The following PGGT1B variants were observed in gnomAD, a reference collection of about 807,000 sequenced individuals.
The protein encoded by PGGT1B is geranylgeranyl transferase type-1 subunit beta.
PGGT1B carries 30 observed loss-of-function variants against 46.1 expected under a neutral mutation model. The ratio of observed to expected loss-of-function variants is 0.65; its 90% confidence interval spans 0.49 to 0.88. The LOEUF is 0.88. Ranked by LOEUF, PGGT1B falls within the 40% of genes least tolerant of loss-of-function variation. The probability of loss-of-function intolerance (pLI) is 0.00; values close to 1 mark genes in which losing one functional copy is unlikely to be tolerated. For synonymous variants in PGGT1B, 170 were observed against 160.0 expected, an observed-to-expected ratio of 1.06 and a Z score of -0.47; for missense variants, 376 against 455.9, an observed-to-expected ratio of 0.82 and a Z score of 1.60.
chr5:115,226,702 G>A (rs1395068011), intron 6 of PGGT1B, among the ~76,000 whole-genome samples: 2 of 151,968 alleles, frequency 1.3e-5, no homozygotes, highest in Admixed American at 6.6e-5. Flanking sequence ...ATAGTACATT[G>A]TACAAGGGCA....
rs3840341 is a variant in PGGT1B, at chr5:115,229,637, AC to A, written c.658+1338del. Among the ~76,000 whole-genome samples, 41 of 152,288 alleles carry A rather than the reference AC, an allele frequency of 2.7e-4. 1 individual carries two copies. In the East Asian group the frequency reaches 7.9e-3, roughly 29 times the overall value. ...TCTTGGAAATAATATCAGCTGTCTC[AC>A]AGGTGAGGTGACTCCTTAGCCAGAG... On this transcript the variant is annotated intron_variant, in intron 6 of 8. Coordinates refer to ENST00000419445, the MANE Select transcript of PGGT1B (RefSeq NM_005023.4).
chr5:115,253,156 C>G lies in PGGT1B; in HGVS notation c.240G>C (p.Gln80His). Reference sequence around the variant, plus strand: ...ACTCACTGTCTTCTGTGGGAAGGACCTGCAGGGAATAAATCCACTCTATTA... The same window carrying G: ...ACTCACTGTCTTCTGTGGGAAGGACGTGCAGGGAATAAATCCACTCTATTA... ...DDIIEWIYSL[Q>H]VLPTEDRSNL... Residue 80 changes from glutamine (Q) to histidine (H), a missense_variant, in exon 2 of 9, where the codon CAG becomes CAC. Gln to His is a conservative substitution (Grantham distance 24). Coordinates refer to ENST00000419445, the MANE Select transcript of PGGT1B (RefSeq NM_005023.4). The G allele has an allele frequency of 1.2e-6, 2 of 1,606,200 alleles. No homozygotes were observed. Among genetic ancestry groups the G allele is most frequent in the Non-Finnish European group, 1.7e-6 (2 of 1,176,974 alleles).
intron 8 of PGGT1B, among the ~76,000 whole-genome samples, 168 bp downstream of exon 8, chr5:115,216,697 T>A (rs1462627308): frequency 6.6e-6 from 1 of 152,228 alleles, no homozygotes; most frequent in African/African-American, 2.4e-5. Context: ...TTATACTCTC[T>A]AATACCCTAA....
chr5:115,237,716 A>G (rs980447471), intron 4 of PGGT1B, 142 bp downstream of exon 4: 2 of 551,196 alleles, frequency 3.6e-6, no homozygotes, highest in Admixed American at 7.9e-5. Flanking sequence ...TTGACTATGC[A>G]CTTAATTATG....
intron 2 of PGGT1B, among the ~76,000 whole-genome samples, chr5:115,244,052 A>C (rs996358994): frequency 6.6e-6 from 1 of 152,132 alleles, no homozygotes; most frequent in African/African-American, 2.4e-5. Flanking sequence ...CCACATTTTA[A>C]GGTCAGTTGA....
At chr5:115,221,271 T>C (rs147206142) in intron 7 of PGGT1B, among the ~76,000 whole-genome samples, 2 of 152,166 alleles carry the variant, frequency 1.3e-5, no homozygotes, top group East Asian at 3.9e-4. Flanking sequence ...AACTTGTGTG[T>C]ATTTAGTGAC....
Position 115,237,951 on chromosome 5 carries a change from A to G in PGGT1B, c.386T>C (p.Leu129Pro). ...GTCTCCAAGAATAACTAAGCATGAG[A>G]GGCCAGTGTAGGTCATTGCAATGTG... The part of the protein sequence containing the change: ...SGHIAMTYTG[L>P]SCLVILGDDL... Residue 129 changes from leucine (L) to proline (P), a missense_variant, in exon 4 of 9, where the codon CTC (leucine) becomes CCC (proline). By Grantham distance (98) the Leu-to-Pro change is moderately conservative. This residue lies in a region of PGGT1B where 222 missense variants were observed against 313.6 expected (regional missense o/e 0.71). Coordinates refer to ENST00000419445, the MANE Select transcript of PGGT1B (RefSeq NM_005023.4). The G allele has an allele frequency of 6.2e-7, 1 of 1,612,766 alleles. No homozygotes were observed. The highest frequency in any genetic ancestry group is 2.2e-5 in the East Asian group (1 of 44,838).
At chr5:115,238,031 T>C in intron 3 of PGGT1B, 22 bp from the exon 4 acceptor site, 4 of 1,518,668 alleles carry the variant, frequency 2.6e-6, no homozygotes, top group African/African-American at 1.4e-5. Context: ...ATTAATATAG[T>C]ACTAATTAAT....
At position 115,207,567 on chromosome 5, in the gene PGGT1B, G is replaced by A. The variant is rs1756102159; in HGVS notation, c.*4835C>T. ...ACCATACATAGATGCTGTCTGTTTT[G>A]AACTTCACCGAAATGGAATCAAAGT... On this transcript the variant is annotated 3_prime_UTR_variant, in exon 9 of 9. Transcript: ENST00000419445. 6.6e-6 allele frequency: 1 copy of A among 151,956 alleles called. No homozygotes were observed. The highest frequency in any genetic ancestry group is 2.4e-5 in the African/African-American group (1 of 41,414). The allele number at this position is 151,956 out of a possible 1,614,324, so 9.4% of individuals were successfully genotyped here. A position where few individuals can be genotyped will look rare whatever the true frequency, so the allele number is the denominator to read the frequency against.
chr5:115,247,755 A>C (rs1382868321), intron 2 of PGGT1B, among the ~76,000 whole-genome samples: 1 of 152,176 alleles, frequency 6.6e-6, no homozygotes, highest in Non-Finnish European at 1.5e-5. Flanking sequence ...ATTAAAGAAA[A>C]GGCAGACAGG....
At chr5:115,258,824 T>TG (rs1455621290) in intron 1 of PGGT1B, among the ~76,000 whole-genome samples, 3 of 152,208 alleles carry the variant, frequency 2.0e-5, no homozygotes, top group Non-Finnish European at 2.9e-5. Context: ...TCTGGGCACT[T>TG]GTCAGAAATG....
intron 4 of PGGT1B, among the ~76,000 whole-genome samples, chr5:115,236,967 C>T (rs1757202992): frequency 1.3e-5 from 2 of 152,080 alleles, no homozygotes; most frequent in Admixed American, 6.5e-5. Flanking sequence ...ACCATTTAAT[C>T]GATTGATCAT....
At chr5:115,256,389 T>C (rs1367916750) in intron 1 of PGGT1B, among the ~76,000 whole-genome samples, 1 of 152,214 alleles carries the variant, frequency 6.6e-6, no homozygotes, top group Non-Finnish European at 1.5e-5. Context: ...GAATGCACTC[T>C]ACATGTAAGT....
chr5:115,224,566 T>G lies in PGGT1B; in HGVS notation c.659-2558A>C, dbSNP rs181792240. 6.8e-3 allele frequency among the ~76,000 whole-genome samples: 1,034 copies of G among 152,264 alleles called. 15 individuals carry two copies. Among genetic ancestry groups the G allele is most frequent in the African/African-American group, 0.024 (992 of 41,550 alleles). On this transcript the variant is annotated intron_variant, in intron 6 of 8. Coordinates refer to ENST00000419445, the MANE Select transcript of PGGT1B (RefSeq NM_005023.4). ...CTCTAAAAAACTAGTTATAAAACCC[T>G]GTATAAAAACTAGTATGTTAGGCTG... is the stretch of plus-strand genomic sequence containing the variant.
At chr5:115,219,553 A>G (rs1756524490) in intron 7 of PGGT1B, among the ~76,000 whole-genome samples, 1 of 151,904 alleles carries the variant, frequency 6.6e-6, no homozygotes, top group South Asian at 2.1e-4. Context: ...AATTTTATGG[A>G]CATGACACCA....
intron 6 of PGGT1B, among the ~76,000 whole-genome samples, chr5:115,222,926 C>T (rs1319075874): frequency 1.3e-5 from 2 of 152,096 alleles, no homozygotes; most frequent in Admixed American, 6.6e-5. Context: ...AATGAGAACA[C>T]CTGGACACAG....
chr5:115,249,210 T>G lies in PGGT1B; in HGVS notation c.259+3927A>C, dbSNP rs555061897. ...GTTTTTCCTGCACATTTATATAGATTGTTAAAGCACCTCTGTATATGTTTT... is the reference window on the plus strand; with the variant it reads ...GTTTTTCCTGCACATTTATATAGATGGTTAAAGCACCTCTGTATATGTTTT... On this transcript the variant is annotated intron_variant, in intron 2 of 8. Coordinates refer to ENST00000419445, the MANE Select transcript of PGGT1B (RefSeq NM_005023.4). 1.7e-4 allele frequency among the ~76,000 whole-genome samples: 26 copies of G among 152,270 alleles called. No individual in the cohort carries two copies. The East Asian group carries it at 4.2e-3, about 25-fold the overall frequency.
rs1756010951 is a variant in PGGT1B, at chr5:115,204,594, C to A, written c.*7808G>T. The stretch of plus-strand genomic sequence containing the variant: ...GAAAAAACTTTAAGCTTGATAAAAT[C>A]CGGTGTCACAAAGGATATGAGGAAA... On this transcript the variant is annotated 3_prime_UTR_variant, in exon 9 of 9. Coordinates refer to ENST00000419445, the MANE Select transcript of PGGT1B (RefSeq NM_005023.4). 6.6e-6 allele frequency: 1 copy of A among 152,032 alleles called. No individual in the cohort carries two copies. The highest frequency in any genetic ancestry group is 1.9e-4 in the East Asian group (1 of 5,190). The allele number at this position is 152,032 out of a possible 1,614,324, so 9.4% of individuals were successfully genotyped here. A position where few individuals can be genotyped will look rare whatever the true frequency, so the allele number is the denominator to read the frequency against.
At chr5:115,215,967 A>G (rs773854512) in intron 8 of PGGT1B, among the ~76,000 whole-genome samples, 10 of 152,146 alleles carry the variant, frequency 6.6e-5, no homozygotes, top group Non-Finnish European at 1.0e-4. Context: ...AGGTGAAAAC[A>G]TATGTCGGGT....
Sources: gnomAD v4.1 joint callset for allele counts (sites outside exome capture counted in the v4.1 genomes callset) on GRCh38, gnomAD v4.1.1 for gene constraint, gnomAD v4.1.1 regional missense constraint, MANE v1.5 for transcripts, NCBI Gene and HGNC (gene_info 2026-07-23, HGNC 2026-07-21) for gene names.